GSK3A: variants seen among roughly 807,000 people sequenced by gnomAD.
GSK3A encodes glycogen synthase kinase 3 alpha.
In GSK3A, 14 loss-of-function variants were observed where a neutral mutation model predicts 56.6. The ratio of observed to expected loss-of-function variants is 0.25; its 90% CI spans 0.16 to 0.39. The LOEUF is 0.39. Among genes scored for constraint, GSK3A ranks in the 10% least tolerant of loss-of-function variants. GSK3A has a pLI of 1.00. For missense variants in GSK3A, 450 were observed against 656.0 expected (o/e 0.69, Z 3.43); for synonymous variants, 301 against 285.0 (o/e 1.06, Z -0.56).
In GSK3A at chr19:42,234,829, T is replaced by C; in HGVS notation, c.667-151A>G. 1.3e-6 allele frequency: 1 copy of C among 773,176 alleles called. No individual in the cohort carries two copies. The allele number at this position is 773,176 out of a possible 1,614,324, so 47.9% of individuals were successfully genotyped here. On this transcript the variant is annotated intron_variant, in intron 4 of 10. Coordinates refer to ENST00000222330, the MANE Select transcript of GSK3A (RefSeq NM_019884.3). This position sits in a 1 kb window ranked among gnomAD's most constrained non-coding sequence, Gnocchi z 5.7. ...AACCCATTTGAAACCTTGGTTCTCTTAATGTGCACCACAATCACTTGAAGG... is the reference window on the plus strand; with the variant it reads ...AACCCATTTGAAACCTTGGTTCTCTCAATGTGCACCACAATCACTTGAAGG...
chr19:42,234,789 C>G lies in GSK3A; in HGVS notation c.667-111G>C. 1.7e-6 allele frequency: 2 copies of G among 1,167,016 alleles called. No individual in the cohort carries two copies. Among genetic ancestry groups the G allele is most frequent in the Non-Finnish European group, 2.3e-6 (2 of 855,372 alleles). The allele number at this position is 1,167,016 out of a possible 1,614,324, so 72.3% of individuals were successfully genotyped here. ...TCCAGGCCCACTCTCCCTGCTGCCCCCACAGCTTTGGGGAAACCCATTTGA... is the reference window on the plus strand; with the variant it reads ...TCCAGGCCCACTCTCCCTGCTGCCCGCACAGCTTTGGGGAAACCCATTTGA... On this transcript the variant is annotated intron_variant, in intron 4 of 10. Coordinates refer to ENST00000222330, the MANE Select transcript of GSK3A (RefSeq NM_019884.3). This position sits in a 1 kb window ranked among gnomAD's most constrained non-coding sequence, Gnocchi z 5.7.
chr19:42,233,360 G>C lies in GSK3A; in HGVS notation c.928C>G (p.Leu310Val). ...SIDVWSAGCV[L>V]AELLLGQPIF... ...GGCTGGCCCAAGAGGAGCTCTGCCA[G>C]TACACAGCCAGCTGACCAAACATCT... The change falls in exon 7 of 11, where the codon CTG (leucine) becomes GTG (valine). Residue 310 changes from leucine (L) to valine (V), a missense_variant. Coordinates refer to ENST00000222330, the MANE Select transcript of GSK3A (RefSeq NM_019884.3). 6.3e-7 allele frequency: 1 copy of C among 1,578,076 alleles called. No individual in the cohort carries two copies. The highest frequency in any genetic ancestry group is 8.6e-7 in the Non-Finnish European group (1 of 1,160,024).
At chr19:42,237,017 C>A in intron 2 of GSK3A, 76 bp from the exon 3 acceptor site, 1 of 995,726 alleles carries the variant, frequency 1.0e-6, no homozygotes, top group Admixed American at 1.7e-5. Flanking sequence ...TCACTCCCAA[C>A]AACAGCCAGG....
Position 42,233,266 on chromosome 19 carries a change from AGCCC to A in GSK3A, c.1002+16_1002+19del. 2.7e-6 allele frequency: 1 copy of A among 373,160 alleles called. No individual in the cohort carries two copies. The highest frequency in any genetic ancestry group is 4.5e-6 in the Non-Finnish European group (1 of 220,880). 23.1% of individuals were successfully genotyped at this position (373,160 alleles called of 1,614,324 possible). On this transcript the variant is annotated intron_variant, in intron 7 of 10. Coordinates refer to ENST00000222330, the MANE Select transcript of GSK3A (RefSeq NM_019884.3). ...CATCCCTCAGCCCCACCCCCTGCCC[AGCCC>A]AGCCCCGCCCCTCACCTTGATGATC...
intron 3 of GSK3A, 61 bp from the exon 4 acceptor site, chr19:42,236,777 G>C (rs2036260086): frequency 3.4e-6 from 5 of 1,468,564 alleles, no homozygotes; most frequent in Admixed American, 1.7e-5. Context: ...GGGAAGGAAG[G>C]TATGCAGGGA....
At chr19:42,233,927 C>G (rs530927362) in intron 6 of GSK3A, among the ~76,000 whole-genome samples, 17 of 152,312 alleles carry the variant, frequency 1.1e-4, no homozygotes, top group Admixed American at 2.6e-4. Flanking sequence ...GACTTCCCCT[C>G]ATGCCTGGAA....
In GSK3A at chr19:42,232,766, G is replaced by A. The variant is rs891454499; in HGVS notation, c.1099-84C>T. On this transcript the variant is annotated intron_variant, in intron 8 of 10. Transcript: ENST00000222330. ...GTTATCTCACTGCCACAGTGCCTGC[G>A]GCAAGTTATGACTGGTTGCTTCCCA... The A allele has an allele frequency of 5.1e-5, 60 of 1,186,406 alleles. 1 individual carries two copies. In the Middle Eastern group the frequency reaches 7.9e-4, roughly 16 times the overall value. The allele number at this position is 1,186,406 out of a possible 1,614,324, so 73.5% of individuals were successfully genotyped here. A position where few individuals can be genotyped will look rare whatever the true frequency, so the allele number is the denominator to read the frequency against.
At position 42,234,373 on chromosome 19, in the gene GSK3A, G is replaced by C; in HGVS notation, c.884C>G (p.Thr295Ser). ...YRAPELIFGA[T>S]DYTSSIDVWS... The stretch of plus-strand genomic sequence containing the variant: ...CTGACCGATGGATGAGGTGTAATCA[G>C]TGGCTCCAAAGATGAGCTCTGGGGC... Residue 295 changes from threonine to serine, a missense_variant, in exon 6 of 11, where the codon ACT becomes AGT. By Grantham distance (58) the Thr-to-Ser change is moderately conservative. This residue lies in a region of GSK3A where 144 missense variants were observed against 308.0 expected (regional missense o/e 0.47). Transcript: ENST00000222330. The surrounding 1 kb of genome is among the most constrained non-coding windows in gnomAD (Gnocchi z 5.7). 2.5e-6 allele frequency: 4 copies of C among 1,613,684 alleles called. No homozygotes were observed. Among genetic ancestry groups the C allele is most frequent in the Non-Finnish European group, 3.4e-6 (4 of 1,179,550 alleles).
rs1220924547 is a variant in GSK3A, at chr19:42,234,488, G to GT, written c.798-30dup. ...TGGGAAGAGATGGGCAGGGGTACAC[G>GT]TGAGGCAAGGGTTGGGGTCCCCCCT... On this transcript the variant is annotated intron_variant, in intron 5 of 10. Coordinates refer to ENST00000222330, the MANE Select transcript of GSK3A (RefSeq NM_019884.3). This position sits in a 1 kb window ranked among gnomAD's most constrained non-coding sequence, Gnocchi z 5.7. 1 of 1,613,470 alleles carries GT rather than the reference G, an allele frequency of 6.2e-7. No homozygotes were observed. The highest frequency in any genetic ancestry group is 2.2e-5 in the East Asian group (1 of 44,870).
rs997624373 is a variant in GSK3A, at chr19:42,230,578, CT to C, written c.*215del. On this transcript the variant is annotated 3_prime_UTR_variant, in exon 11 of 11. Transcript: ENST00000222330. ...CTCATCCCCCCAACACCCTGTCCTT[CT>C]CTTCCCTCCCCACAACCAGTTAAAA... The C allele has an allele frequency of 1.2e-4, 68 of 584,760 alleles. No individual in the cohort carries two copies. Among genetic ancestry groups the C allele is most frequent in the Non-Finnish European group, 2.0e-4 (65 of 325,832 alleles). The allele number at this position is 584,760 out of a possible 1,614,324, so 36.2% of individuals were successfully genotyped here.
Position 42,242,434 on chromosome 19 carries a change from G to T in GSK3A, c.32C>A (p.Pro11His). The T allele has an allele frequency of 7.7e-7, 1 of 1,296,388 alleles. No individual in the cohort carries two copies. Among genetic ancestry groups the T allele is most frequent in the South Asian group, 2.1e-5 (1 of 46,838 alleles). 80.3% of individuals were successfully genotyped at this position (1,296,388 alleles called of 1,614,324 possible). A position where few individuals can be genotyped will look rare whatever the true frequency, so the allele number is the denominator to read the frequency against. Reference sequence around the variant, plus strand: ...AGTCCGCGCCCTGCCCGAGCCCCCAGGGCCGCCTCCCGAAGGCCCGCCGCC... The same window carrying T: ...AGTCCGCGCCCTGCCCGAGCCCCCATGGCCGCCTCCCGAAGGCCCGCCGCC... Reference protein sequence around the residue: MSGGGPSGGGPGGSGRARTSS... With the variant: MSGGGPSGGGHGGSGRARTSS... The change falls in exon 1 of 11, where the codon CCT becomes CAT. Residue 11 changes from proline (P) to histidine (H), a missense_variant. This residue lies in a region of GSK3A where 193 missense variants were observed against 200.5 expected (regional missense o/e 0.96). Coordinates refer to ENST00000222330, the MANE Select transcript of GSK3A (RefSeq NM_019884.3).
chr19:42,239,889 G>A, intron 2 of GSK3A, 66 bp downstream of exon 2: 10 of 1,348,078 alleles, frequency 7.4e-6, no homozygotes, highest in Non-Finnish European at 1.1e-5. Flanking sequence ...CAGCTCTCTG[G>A]CTCAGGTTCT....
At chr19:42,235,328 G>C (rs1432938528) in intron 4 of GSK3A, among the ~76,000 whole-genome samples, 1 of 152,128 alleles carries the variant, frequency 6.6e-6, no homozygotes, top group Non-Finnish European at 1.5e-5. Context: ...AGGCTAGGGA[G>C]CCAGGCACTC....
Position 42,232,164 on chromosome 19 carries a change from TGACATG to T in GSK3A, c.1286-21_1286-16del. The T allele has an allele frequency of 6.7e-7, 1 of 1,489,176 alleles. No homozygotes were observed. The highest frequency in any genetic ancestry group is 9.4e-7 in the Non-Finnish European group (1 of 1,068,370). The allele number at this position is 1,489,176 out of a possible 1,614,324, so 92.2% of individuals were successfully genotyped here. A position where few individuals can be genotyped will look rare whatever the true frequency, so the allele number is the denominator to read the frequency against. On this transcript the variant is annotated splice_polypyrimidine_tract_variant and intron_variant, in intron 9 of 10. Coordinates refer to ENST00000222330, the MANE Select transcript of GSK3A (RefSeq NM_019884.3). Reference sequence around the variant, plus strand: ...GATGGAGAGTTCTAGAAACAGGAATTGACATGCTAGTCAGGGTAGACTACAGCAGGG... The same window carrying T: ...GATGGAGAGTTCTAGAAACAGGAATTCTAGTCAGGGTAGACTACAGCAGGG...
Position 42,236,722 on chromosome 19 carries a change from G to T in GSK3A, c.556-6C>A. On this transcript the variant is annotated splice_region_variant and splice_polypyrimidine_tract_variant and intron_variant, in intron 3 of 10. Coordinates refer to ENST00000222330, the MANE Select transcript of GSK3A (RefSeq NM_019884.3). ...TTTAGGTAAAGCTCGTCTTTCTGCAGGGAGCAAAGGAGAGGTGTGAGGCAC... is the reference window on the plus strand; with the variant it reads ...TTTAGGTAAAGCTCGTCTTTCTGCATGGAGCAAAGGAGAGGTGTGAGGCAC... The T allele has an allele frequency of 6.2e-7, 1 of 1,604,482 alleles. No individual in the cohort carries two copies. The highest frequency in any genetic ancestry group is 8.5e-7 in the Non-Finnish European group (1 of 1,171,160).
At chr19:42,236,788 G>A (rs1489975527) in intron 3 of GSK3A, 70 bp downstream of exon 3, 1 of 1,474,672 alleles carries the variant, frequency 6.8e-7, no homozygotes, top group Non-Finnish European at 9.5e-7. Flanking sequence ...TATGCAGGGA[G>A]CAGTGGGGGA....
Position 42,242,233 on chromosome 19 carries a change from C to A in GSK3A, c.233G>T (p.Gly78Val). The change falls in exon 1 of 11, where the codon GGA becomes GTA. Residue 78 changes from glycine to valine, a missense_variant. Gly to Val is a moderately radical substitution (Grantham distance 109). Around this residue, in one of 3 missense-constraint regions of GSK3A, gnomAD observed 193 missense variants for 200.5 expected, o/e 0.96. Transcript: ENST00000222330. Reference protein sequence around the residue: ...GPGGSGGGGSGGPGAGTSFPP... With the variant: ...GPGGSGGGGSVGPGAGTSFPP... ...GAAGCTAGTGCCTGCGCCGGGGCCT[C>A]CGCTGCCTCCTCCGCCGCTGCCGCC... 1 of 1,442,856 alleles carries A rather than the reference C, an allele frequency of 6.9e-7. No individual in the cohort carries two copies. The allele number at this position is 1,442,856 out of a possible 1,614,324, so 89.4% of individuals were successfully genotyped here.
intron 6 of GSK3A, 137 bp from the exon 7 acceptor site, chr19:42,233,520 A>G (rs1568465341): frequency 4.7e-6 from 3 of 638,070 alleles, no homozygotes; most frequent in Non-Finnish European, 8.5e-6. Context: ...CCAAGGTCAC[A>G]TGCAGCTTAG....
At position 42,230,839 on chromosome 19, in the gene GSK3A, G is replaced by A. The variant is rs1257760220; in HGVS notation, c.1407C>T (p.Asp469=). The change falls in exon 11 of 11, where the codon GAC becomes GAT. Residue 469 remains aspartate, a synonymous_variant. Transcript: ENST00000222330. ...TAGGTGTGGCATCGGTCGACTGCCA[G>A]TCTGAGCTGGTCGGAGTCTCAGTTA... is the stretch of plus-strand genomic sequence containing the variant. ...QALTETPTSS[D]WQSTDATPTL... is the part of the protein sequence containing the mutation. 1 of 1,562,130 alleles carries A rather than the reference G, an allele frequency of 6.4e-7. No individual in the cohort carries two copies. Among genetic ancestry groups the A allele is most frequent in the South Asian group, 1.2e-5 (1 of 84,598 alleles).
Sources: allele counts gnomAD v4.1 joint callset (sites outside exome capture counted in the v4.1 genomes callset), GRCh38; gene constraint gnomAD v4.1.1; regional missense constraint gnomAD v4.1.1; non-coding constraint Gnocchi (gnomAD v3.1); transcripts MANE v1.5; gene names NCBI Gene and HGNC (gene_info 2026-07-23, HGNC 2026-07-21).